ADGRD1: variants seen among roughly 807,000 people sequenced by gnomAD.
The protein encoded by ADGRD1 is adhesion G protein-coupled receptor D1, also known as G-protein coupled receptor 133.
In ADGRD1, 77 loss-of-function variants were observed where a neutral mutation model predicts 113.4. The ratio of observed to expected loss-of-function variants is 0.68; its 90% CI spans 0.57 to 0.82. The LOEUF (loss-of-function observed/expected upper bound fraction) is 0.82, where lower values mean the gene tolerates loss of function less well. Among genes scored for constraint, ADGRD1 ranks in the 40% least tolerant of loss-of-function variants. The pLI is 0.00. For synonymous variants in ADGRD1, 474 were observed against 475.0 expected (o/e 1.00, Z 0.03); for missense variants, 1,036 against 1,139.1 (o/e 0.91, Z 1.30).
Position 131,136,111 on chromosome 12 carries a change from A to ACC in ADGRD1, c.2343_2344insCC (p.Gly782ProfsTer29). On this transcript the variant is annotated frameshift_variant, in exon 22 of 25. Coordinates refer to ENST00000261654, the MANE Select transcript of ADGRD1 (RefSeq NM_198827.5). LOFTEE classifies it high-confidence loss of function. ...TGGGTCTTTGGCGTGCTTGCTGTCA[A>ACC]CGGTTGTGCTGTGGTTTTCCAGTAC... The ACC allele has an allele frequency of 6.2e-6, 10 of 1,614,168 alleles. No individual in the cohort carries two copies. The highest frequency in any genetic ancestry group is 8.5e-6 in the Non-Finnish European group (10 of 1,180,028).
intron 8 of ADGRD1, among the ~76,000 whole-genome samples, chr12:130,999,246 A>G (rs997956828): frequency 2.0e-5 from 3 of 152,190 alleles, no homozygotes; most frequent in African/African-American, 7.2e-5. Context: ...ATTTGTTTGC[A>G]TATTGTCTGT....
intron 21 of ADGRD1, among the ~76,000 whole-genome samples, chr12:131,135,231 A>G (rs940365139): frequency 1.3e-5 from 2 of 152,140 alleles, no homozygotes; most frequent in Non-Finnish European, 2.9e-5. Context: ...TCTGCCCCTG[A>G]TGAAACCCTG....
At chr12:131,094,024 C>T (rs1034086975) in intron 15 of ADGRD1, among the ~76,000 whole-genome samples, 4 of 149,500 alleles carry the variant, frequency 2.7e-5, no homozygotes, top group South Asian at 2.1e-4. Flanking sequence ...CAGCACCCAG[C>T]GTCAGCACCC....
In ADGRD1 at chr12:131,000,064, C is replaced by T. The variant is rs928534615; in HGVS notation, c.967-319C>T. On this transcript the variant is annotated intron_variant, in intron 8 of 24. Transcript: ENST00000261654. ...TTTTCCCACACGTCTCTCCACTCCA[C>T]GGGCTTTCACTGAGGGCCTGCCGTG... Among the ~76,000 whole-genome samples, 8 of 152,206 alleles carry T rather than the reference C, an allele frequency of 5.3e-5. No individual in the cohort carries two copies. In the East Asian group the frequency reaches 7.7e-4, roughly 15 times the overall value.
rs529569132 is a variant in ADGRD1 at position 131,048,577 on chromosome 12, C to T, written c.1474-28224C>T. On this transcript the variant is annotated intron_variant, in intron 13 of 24. Transcript: ENST00000261654. ...GGTGATCCGGGGCTCCATGGATTTGCGGGGCGGACGGCCCAGCCAGGCACC... is the reference window on the plus strand; with the variant it reads ...GGTGATCCGGGGCTCCATGGATTTGTGGGGCGGACGGCCCAGCCAGGCACC... Among the ~76,000 whole-genome samples the T allele has an allele frequency of 3.3e-5, 5 of 152,248 alleles. No homozygotes were observed. The South Asian group carries it at 8.3e-4, about 25-fold the overall frequency.
At chr12:131,045,946 G>GGTGCTCCCTCCCTGGTCA (rs1278264992) in intron 13 of ADGRD1, among the ~76,000 whole-genome samples, 12 of 151,202 alleles carry the variant, frequency 7.9e-5, no homozygotes, top group Admixed American at 1.3e-4. Context: ...CGCCCTGGTT[G>GGTGCTCCCTCCCTGGTCA]GTGCTCCCTC....
At chr12:131,091,646 C>A (rs1569019) in intron 15 of ADGRD1, among the ~76,000 whole-genome samples, 12,407 of 152,242 alleles carry the variant, frequency 0.081, 659 homozygotes, top group Middle Eastern at 0.13. Context: ...ACATTTGTAT[C>A]TTGGTATGTG....
chr12:131,124,097 AC>A (rs1406145473), intron 20 of ADGRD1, among the ~76,000 whole-genome samples: 4 of 152,224 alleles, frequency 2.6e-5, no homozygotes, highest in South Asian at 4.1e-4. Context: ...GTTCCAGCCT[AC>A]CCCTGCGGGG....
intron 15 of ADGRD1, among the ~76,000 whole-genome samples, chr12:131,085,446 C>G (rs1183961011): frequency 6.6e-6 from 1 of 152,126 alleles, no homozygotes; most frequent in African/African-American, 2.4e-5. Context: ...GCAGGCTCGG[C>G]TCCAGCATCC....
chr12:131,081,884 GC>G (rs1886095622), intron 14 of ADGRD1, among the ~76,000 whole-genome samples: 2 of 152,048 alleles, frequency 1.3e-5, no homozygotes, highest in African/African-American at 4.8e-5. Context: ...TTTTCATTGG[GC>G]TTAGAATTCT....
chr12:131,095,306 G>C (rs1002130160), intron 15 of ADGRD1, among the ~76,000 whole-genome samples: 4 of 152,258 alleles, frequency 2.6e-5, no homozygotes, highest in African/African-American at 9.6e-5. Context: ...TCAAGGTTCT[G>C]AGGGTTCCAC....
In ADGRD1 at chr12:130,968,444, C is replaced by T. The variant is rs553038844; in HGVS notation, c.187+1898C>T. On this transcript the variant is annotated intron_variant, in intron 3 of 24. Coordinates refer to ENST00000261654, the MANE Select transcript of ADGRD1 (RefSeq NM_198827.5). ...TTAAGGGAGAAAAGAAAAGAATAGA[C>T]CCCATCAGCACATTTTGCTGCGGGG... The T allele has an allele frequency of 1.9e-5, 3 of 155,870 alleles. No homozygotes were observed. The South Asian group carries it at 5.9e-4, about 31-fold the overall frequency. The allele number at this position is 155,870 out of a possible 1,614,324, so 9.7% of individuals were successfully genotyped here.
At chr12:131,117,419 T>C (rs1950492579) in intron 18 of ADGRD1, among the ~76,000 whole-genome samples, 1 of 152,194 alleles carries the variant, frequency 6.6e-6, no homozygotes, top group South Asian at 2.1e-4. Flanking sequence ...AGTAATATAA[T>C]CAAGATTTTG....
rs560779366 is a variant in ADGRD1, at chr12:131,118,480, G to A, written c.2108+29G>A. The A allele has an allele frequency of 2.3e-5, 36 of 1,558,662 alleles. No individual in the cohort carries two copies. In the South Asian group the frequency reaches 4.1e-4, roughly 18 times the overall value. Reference sequence around the variant, plus strand: ...AGTGCAGGGCTTTGCCTTGCTTTTGGCAGGCGTTCCATGGAACAGCTTGTG... The same window carrying A: ...AGTGCAGGGCTTTGCCTTGCTTTTGACAGGCGTTCCATGGAACAGCTTGTG... On this transcript the variant is annotated intron_variant, in intron 19 of 24. Transcript: ENST00000261654.
intron 14 of ADGRD1, among the ~76,000 whole-genome samples, chr12:131,080,779 C>G (rs1363918769): frequency 6.6e-6 from 1 of 152,138 alleles, no homozygotes; most frequent in Non-Finnish European, 1.5e-5. Flanking sequence ...CGCCACCACG[C>G]CCGGCTAATT....
chr12:131,139,343 TG>T lies in ADGRD1; in HGVS notation c.*82del, dbSNP rs1459263518. ...GAATGAAATGCCCCACCTTTGCCCA[TG>T]GACCCTCTCCTTGCTGCTGTCTGGA... On this transcript the variant is annotated 3_prime_UTR_variant, in exon 25 of 25. Coordinates refer to ENST00000261654, the MANE Select transcript of ADGRD1 (RefSeq NM_198827.5). The T allele has an allele frequency of 1.5e-5, 14 of 960,096 alleles. No homozygotes were observed. In the Admixed American group the frequency reaches 2.8e-4, roughly 19 times the overall value. The allele number at this position is 960,096 out of a possible 1,614,324, so 59.5% of individuals were successfully genotyped here.
At chr12:130,967,500 C>A (rs772755079) in intron 3 of ADGRD1, 3 of 155,616 alleles carry the variant, frequency 1.9e-5, no homozygotes, top group East Asian at 3.7e-4. Context: ...TACCGTACAG[C>A]AATCCTAGCA....
chr12:131,073,785 G>T (rs957922391), intron 13 of ADGRD1, among the ~76,000 whole-genome samples: 6 of 152,202 alleles, frequency 3.9e-5, no homozygotes. Flanking sequence ...GAAAGAGACT[G>T]CAAGAGCGAG....
intron 4 of ADGRD1, among the ~76,000 whole-genome samples, chr12:130,979,249 C>T (rs1872678714): frequency 6.6e-6 from 1 of 152,214 alleles, no homozygotes; most frequent in Non-Finnish European, 1.5e-5. Flanking sequence ...CCCGTAGCCT[C>T]TCAGAGGTCC....
Sources: allele counts gnomAD v4.1 joint callset (sites outside exome capture counted in the v4.1 genomes callset), GRCh38; gene constraint gnomAD v4.1.1; transcripts MANE v1.5; gene names NCBI Gene and HGNC (gene_info 2026-07-23, HGNC 2026-07-21).